Variants in TOGARAM1 observed in about 807,000 individuals in gnomAD.
TOGARAM1 encodes the protein TOG array regulator of axonemal microtubules 1.
A neutral mutation model predicts 166.6 loss-of-function variants in TOGARAM1; 100 were observed. That is an observed-to-expected ratio of 0.60 (90% CI 0.51 to 0.71). The LOEUF is 0.71. Ranked by LOEUF, TOGARAM1 falls within the 30% of genes least tolerant of loss-of-function variation. The pLI is 0.00. For synonymous variants in TOGARAM1, 758 were observed against 763.8 expected, an observed-to-expected ratio of 0.99 and a Z score of 0.13; for missense variants, 2,029 against 2,102.7, an observed-to-expected ratio of 0.96 and a Z score of 0.69.
chr14:44,974,813 T>A (rs1196125059), intron 1 of TOGARAM1, among the ~76,000 whole-genome samples: 1 of 152,164 alleles, frequency 6.6e-6, no homozygotes, highest in Non-Finnish European at 1.5e-5. Flanking sequence ...TATCTGATGC[T>A]GGTTCTGATG....
Position 45,012,156 on chromosome 14 carries a change from G to C in TOGARAM1, c.3238+81G>C, listed in dbSNP as rs559435773. 21 of 929,138 alleles carry C rather than the reference G, an allele frequency of 2.3e-5. No homozygotes were observed. In the East Asian group the frequency reaches 3.2e-4, roughly 14 times the overall value. The allele number at this position is 929,138 out of a possible 1,614,324, so 57.6% of individuals were successfully genotyped here. On this transcript the variant is annotated intron_variant, in intron 7 of 19. Coordinates refer to ENST00000361462, the MANE Select transcript of TOGARAM1 (RefSeq NM_001308120.2). ...AAAAAATGATAGCAAGTGCATTTCA[G>C]ATTTCATGTTGTTGTGCATACTGGT...
intron 18 of TOGARAM1, among the ~76,000 whole-genome samples, chr14:45,069,333 C>T (rs1326686499): frequency 6.6e-6 from 1 of 151,926 alleles, no homozygotes; most frequent in Non-Finnish European, 1.5e-5. Flanking sequence ...TGTACCACTG[C>T]ACTGCAGCCT....
chr14:44,967,600 C>T (rs957445281), intron 1 of TOGARAM1, among the ~76,000 whole-genome samples: 9 of 152,044 alleles, frequency 5.9e-5, no homozygotes, highest in African/African-American at 2.2e-4. Context: ...AAAGGAATAG[C>T]GTGTTTAGAG....
rs1276836495 is a variant in TOGARAM1, at chr14:44,962,982, G to A, written c.561G>A (p.Ser187=). 1 of 1,614,162 alleles carries A rather than the reference G, an allele frequency of 6.2e-7. No individual in the cohort carries two copies. Among genetic ancestry groups the A allele is most frequent in the Non-Finnish European group, 8.5e-7 (1 of 1,180,022 alleles). The change falls in exon 1 of 20, where the codon TCG becomes TCA. Residue 187 remains serine (S), a synonymous_variant. Coordinates refer to ENST00000361462, the MANE Select transcript of TOGARAM1 (RefSeq NM_001308120.2). ...SLALLPQLVV[S]LREENPALRK... is the part of the protein sequence containing the mutation. ...CACTTTTGCCTCAACTAGTTGTCTC[G>A]TTACGGGAAGAGAATCCAGCCCTGC...
chr14:45,032,107 C>G, intron 10 of TOGARAM1, 116 bp from the exon 11 acceptor site: 1 of 871,186 alleles, frequency 1.1e-6, no homozygotes. Flanking sequence ...TTGCAGTGAG[C>G]TAAGATCGTA....
chr14:45,002,506 C>A lies in TOGARAM1; in HGVS notation c.2339-1555C>A, dbSNP rs922247224. On this transcript the variant is annotated intron_variant, in intron 3 of 19. Transcript: ENST00000361462. ...ACCACTACCATCTCAATTAATATTC[C>A]CCTTGTGATCTTTGAAGGACCTATG... Among the ~76,000 whole-genome samples the A allele has an allele frequency of 2.6e-5, 4 of 152,108 alleles. No homozygotes were observed. In the South Asian group the frequency reaches 8.3e-4, roughly 32 times the overall value.
chr14:45,059,821 A>G lies in TOGARAM1; in HGVS notation c.4559+5272A>G, dbSNP rs540026771. Among the ~76,000 whole-genome samples, 131 of 152,274 alleles carry G rather than the reference A, an allele frequency of 8.6e-4. 1 individual carries two copies. Among genetic ancestry groups the G allele is most frequent in the Non-Finnish European group, 2.1e-4 (14 of 68,014 alleles). ...GTAATGACATAAAAAATAAAGCTGT[A>G]TGTGAAAATATATGCTTTGGGACCT... is the stretch of plus-strand genomic sequence containing the variant. On this transcript the variant is annotated intron_variant, in intron 16 of 19. Coordinates refer to ENST00000361462, the MANE Select transcript of TOGARAM1 (RefSeq NM_001308120.2).
chr14:44,980,131 C>G (rs538016961), intron 1 of TOGARAM1, among the ~76,000 whole-genome samples: 1 of 152,182 alleles, frequency 6.6e-6, no homozygotes, highest in Non-Finnish European at 1.5e-5. Flanking sequence ...CATGTGTCCT[C>G]CATACTCAGT....
At chr14:45,041,358 G>T (rs957475962) in intron 11 of TOGARAM1, among the ~76,000 whole-genome samples, 2 of 147,518 alleles carry the variant, frequency 1.4e-5, no homozygotes, top group African/African-American at 5.0e-5. Flanking sequence ...CTGAGATCAC[G>T]CCACTGCACT....
chr14:45,060,035 C>T (rs1272719331), intron 16 of TOGARAM1, among the ~76,000 whole-genome samples: 1 of 151,194 alleles, frequency 6.6e-6, no homozygotes, highest in African/African-American at 2.4e-5. Context: ...TTCCCAGCCT[C>T]CTGAGTAGCT....
At chr14:45,051,956 A>G (rs1882391832) in intron 14 of TOGARAM1, among the ~76,000 whole-genome samples, 1 of 152,148 alleles carries the variant, frequency 6.6e-6, no homozygotes, top group Non-Finnish European at 1.5e-5. Flanking sequence ...CACCTAACCT[A>G]CCAAACATCA....
intron 1 of TOGARAM1, among the ~76,000 whole-genome samples, chr14:44,974,048 G>A (rs908936981): frequency 1.3e-5 from 2 of 151,734 alleles, no homozygotes; most frequent in Non-Finnish European, 2.9e-5. Context: ...TCTGTGGTTA[G>A]GTTTCTGACA....
chr14:45,063,479 G>GTTTTTTTTTTTT (rs373702236), intron 16 of TOGARAM1, among the ~76,000 whole-genome samples: 3 of 118,688 alleles, frequency 2.5e-5, no homozygotes, highest in African/African-American at 1.1e-4. Context: ...ATTTGACAAA[G>GTTTTTTTTTTTT]TTTTTTTTTT....
intron 11 of TOGARAM1, among the ~76,000 whole-genome samples, chr14:45,035,799 A>G (rs1206649845): frequency 6.6e-6 from 1 of 152,102 alleles, no homozygotes; most frequent in Non-Finnish European, 1.5e-5. Flanking sequence ...TCTATATCCA[A>G]TGAAAATATC....
At position 45,027,310 on chromosome 14, in the gene TOGARAM1, A is replaced by G. The variant is rs113569827; in HGVS notation, c.3340A>G (p.Ser1114Gly). 6.2e-7 allele frequency: 1 copy of G among 1,613,048 alleles called. No homozygotes were observed. Among genetic ancestry groups the G allele is most frequent in the Non-Finnish European group, 8.5e-7 (1 of 1,179,696 alleles). ...VVVVGKGVFG[S>G]LSSAPATCSQ... ...TTGGTTGATTTCAGGCGTATTTGGA[A>G]GTTTAAGTTCAGCACCAGCAACCTG... Residue 1114 changes from serine to glycine, a missense_variant, in exon 9 of 20, where the codon AGT becomes GGT. By Grantham distance (56) the Ser-to-Gly change is moderately conservative. This residue lies in a region of TOGARAM1 where 1,453 missense variants were observed against 1,432.2 expected (regional missense o/e 1.01). Transcript: ENST00000361462.
chr14:44,990,824 C>CT (rs1356042395), intron 1 of TOGARAM1, among the ~76,000 whole-genome samples: 1 of 151,646 alleles, frequency 6.6e-6, no homozygotes, highest in African/African-American at 2.4e-5. Flanking sequence ...GGGTTTTTTT[C>CT]TTTTGTTTTT....
intron 10 of TOGARAM1, among the ~76,000 whole-genome samples, chr14:45,030,037 G>A (rs187257045): frequency 5.9e-5 from 9 of 152,158 alleles, no homozygotes; most frequent in African/African-American, 2.2e-4. Context: ...GGACAGGCTG[G>A]TCTCGAACTC....
At chr14:45,059,223 C>T (rs1882788186) in intron 16 of TOGARAM1, among the ~76,000 whole-genome samples, 1 of 152,108 alleles carries the variant, frequency 6.6e-6, no homozygotes, top group Admixed American at 6.6e-5. Context: ...TACAGGTGCA[C>T]ACCACCATGC....
chr14:45,043,953 GA>G (rs1231405470), intron 12 of TOGARAM1, among the ~76,000 whole-genome samples, 162 bp downstream of exon 12: 2 of 152,184 alleles, frequency 1.3e-5, no homozygotes, highest in Non-Finnish European at 2.9e-5. Context: ...AACATTAAGA[GA>G]AACTTAATAG....
Sources: allele counts gnomAD v4.1 joint callset (sites outside exome capture counted in the v4.1 genomes callset), GRCh38; gene constraint gnomAD v4.1.1; regional missense constraint gnomAD v4.1.1; transcripts MANE v1.5; gene names NCBI Gene and HGNC (gene_info 2026-07-23, HGNC 2026-07-21).